The following DGKI variants were observed in gnomAD, a reference collection of about 807,000 sequenced individuals.
DGKI encodes diacylglycerol kinase iota.
In DGKI, 55 loss-of-function variants were observed where a neutral mutation model predicts 147.5. The ratio of observed to expected loss-of-function variants is 0.37; its 90% confidence interval spans 0.30 to 0.47. DGKI has a LOEUF of 0.47. DGKI is among the 20% of genes least tolerant of loss of function. The pLI, the probability that DGKI is intolerant of heterozygous loss-of-function variation, is 1.00. For synonymous variants in DGKI, 469 were observed against 477.1 expected (o/e 0.98, Z 0.22); for missense variants, 1,007 against 1,323.8 (o/e 0.76, Z 3.71).
chr7:137,567,042 A>G (rs1367214694), intron 19 of DGKI, among the ~76,000 whole-genome samples: 1 of 151,860 alleles, frequency 6.6e-6, no homozygotes, highest in African/African-American at 2.4e-5. Flanking sequence ...AGGCGGGTGG[A>G]TCACTTGAGG....
Position 137,465,939 on chromosome 7 carries a change from T to C in DGKI, c.2581A>G (p.Met861Val). 1 of 1,614,092 alleles carries C rather than the reference T, an allele frequency of 6.2e-7. No individual in the cohort carries two copies. The highest frequency in any genetic ancestry group is 8.5e-7 in the Non-Finnish European group (1 of 1,179,976). The change falls in exon 26 of 33, where the codon ATG (methionine) becomes GTG (valine). Residue 861 changes from methionine to valine, a missense_variant. By Grantham distance (21) the Met-to-Val change is conservative (BLOSUM62 1). Transcript: ENST00000614521. ...VSQPAGTPPG[M>V]PDLVVEQASG... Reference sequence around the variant, plus strand: ...GCTTGTTCCACCACCAGGTCAGGCATGCCCGGAGGTGTCCCCGCCGGCTGT... The same window carrying C: ...GCTTGTTCCACCACCAGGTCAGGCACGCCCGGAGGTGTCCCCGCCGGCTGT...
At chr7:137,425,730 G>A (rs1812773942) in intron 28 of DGKI, among the ~76,000 whole-genome samples, 1 of 152,206 alleles carries the variant, frequency 6.6e-6, no homozygotes, top group African/African-American at 2.4e-5. Context: ...GAAAGCCAAG[G>A]CTTGAGAACT....
At chr7:137,713,259 C>G (rs1291486900) in intron 1 of DGKI, among the ~76,000 whole-genome samples, 1 of 152,166 alleles carries the variant, frequency 6.6e-6, no homozygotes, top group South Asian at 2.1e-4. Context: ...AAATAGATAC[C>G]TGGCTCCAGC....
chr7:137,822,412 T>C (rs1797931974), intron 1 of DGKI, among the ~76,000 whole-genome samples: 1 of 151,860 alleles, frequency 6.6e-6, no homozygotes, highest in South Asian at 2.1e-4. Flanking sequence ...GTCTCCAAAA[T>C]AATAATAATT....
intron 17 of DGKI, among the ~76,000 whole-genome samples, chr7:137,573,278 T>C (rs1374549730): frequency 1.3e-5 from 2 of 152,246 alleles, no homozygotes; most frequent in East Asian, 3.8e-4. Context: ...AATATAATGA[T>C]TTATTTTCTT....
intron 1 of DGKI, among the ~76,000 whole-genome samples, chr7:137,781,564 G>C (rs796363410): frequency 3.3e-5 from 5 of 152,310 alleles, no homozygotes; most frequent in African/African-American, 1.2e-4. Context: ...GAATACTGAG[G>C]AGAAAGAGGG....
chr7:137,790,542 G>A (rs1002194587), intron 1 of DGKI, among the ~76,000 whole-genome samples: 9 of 152,146 alleles, frequency 5.9e-5, no homozygotes, highest in African/African-American at 1.9e-4. Context: ...GCCCAATGAC[G>A]CACTAATCAA....
rs773651779 is a variant in DGKI, at chr7:137,597,856, C to T, written c.1302G>A (p.Gly434=). ...TCTCTCAGGGACCTACCGTTCCATCCCCACCACAGGCCAGAATTCGCAGAT... is the reference window on the plus strand; with the variant it reads ...TCTCTCAGGGACCTACCGTTCCATCTCCACCACAGGCCAGAATTCGCAGAT... ...VPNLRILACG[G]DGTVGWILSI... The change falls in exon 12 of 33, where the codon GGG becomes GGA. Residue 434 remains glycine, a synonymous_variant. Transcript: ENST00000614521. 2.4e-5 allele frequency: 38 copies of T among 1,613,754 alleles called. No homozygotes were observed. The highest frequency in any genetic ancestry group is 2.9e-5 in the Non-Finnish European group (34 of 1,179,880).
At chr7:137,753,235 C>A (rs1397536684) in intron 1 of DGKI, among the ~76,000 whole-genome samples, 1 of 152,200 alleles carries the variant, frequency 6.6e-6, no homozygotes, top group South Asian at 2.1e-4. Flanking sequence ...ATAACAAAGG[C>A]TGCAAACTGA....
intron 15 of DGKI, among the ~76,000 whole-genome samples, chr7:137,579,462 A>AAAAG (rs1819109431): frequency 6.6e-6 from 1 of 151,822 alleles, no homozygotes; most frequent in African/African-American, 2.4e-5. Context: ...GAAAGAAAAA[A>AAAAG]AGGCTATTTG....
At chr7:137,631,004 C>A (rs1434546770) in intron 6 of DGKI, among the ~76,000 whole-genome samples, 1 of 151,874 alleles carries the variant, frequency 6.6e-6, no homozygotes, top group Non-Finnish European at 1.5e-5. Context: ...GAAAAAAAGA[C>A]TAGTTAAAAT....
In DGKI at chr7:137,387,036, T is replaced by A. The variant is rs1281600978; in HGVS notation, c.*4184A>T. 4 of 152,122 alleles carry A rather than the reference T, an allele frequency of 2.6e-5. No homozygotes were observed. Among genetic ancestry groups the A allele is most frequent in the Admixed American group, 2.0e-4 (3 of 15,264 alleles). 9.4% of individuals were successfully genotyped at this position (152,122 alleles called of 1,614,324 possible). A position where few individuals can be genotyped will look rare whatever the true frequency, so the allele number is the denominator to read the frequency against. On this transcript the variant is annotated 3_prime_UTR_variant, in exon 33 of 33. Transcript: ENST00000614521. ...AAATATGCTGTTCTCAGTGATTTCA[T>A]TAGCTACTCCTTCTGGAAGGAAGAC...
At chr7:137,784,294 T>C (rs1796602919) in intron 1 of DGKI, among the ~76,000 whole-genome samples, 1 of 152,118 alleles carries the variant, frequency 6.6e-6, no homozygotes, top group Non-Finnish European at 1.5e-5. Flanking sequence ...TCCATGCAAC[T>C]GGACACTAAA....
chr7:137,699,882 A>G (rs1308040753), intron 1 of DGKI, among the ~76,000 whole-genome samples: 1 of 152,220 alleles, frequency 6.6e-6, no homozygotes, highest in African/African-American at 2.4e-5. Context: ...AAGGCTGTCA[A>G]CTGAAGGCAA....
intron 10 of DGKI, among the ~76,000 whole-genome samples, chr7:137,602,546 G>A (rs891116790): frequency 7.9e-5 from 12 of 152,160 alleles, no homozygotes; most frequent in African/African-American, 2.9e-4. Flanking sequence ...TACCAAAAAT[G>A]TAAGTATCTA....
At chr7:137,537,233 T>G (rs1317789666) in intron 20 of DGKI, among the ~76,000 whole-genome samples, 1 of 152,144 alleles carries the variant, frequency 6.6e-6, no homozygotes, top group African/African-American at 2.4e-5. Context: ...AAGTTTAGCA[T>G]CTTCCTTTGC....
chr7:137,498,742 T>TACGTTGCA (rs1816061286), intron 21 of DGKI, among the ~76,000 whole-genome samples: 2 of 152,140 alleles, frequency 1.3e-5, no homozygotes, highest in African/African-American at 4.8e-5. Context: ...TCTGCCCCAA[T>TACGTTGCA]AAAGTTGAAT....
At chr7:137,729,812 G>A (rs1297265670) in intron 1 of DGKI, among the ~76,000 whole-genome samples, 1 of 151,876 alleles carries the variant, frequency 6.6e-6, no homozygotes, top group Non-Finnish European at 1.5e-5. Flanking sequence ...TTATCTCCTG[G>A]GCCTCTACTA....
intron 24 of DGKI, among the ~76,000 whole-genome samples, chr7:137,469,114 AC>A (rs760484418): frequency 6.6e-6 from 1 of 152,192 alleles, no homozygotes; most frequent in Non-Finnish European, 1.5e-5. Flanking sequence ...GAATTTTTCC[AC>A]CTTTTTCCAG....
Sources: allele counts gnomAD v4.1 joint callset (sites outside exome capture counted in the v4.1 genomes callset), GRCh38; gene constraint gnomAD v4.1.1; transcripts MANE v1.5; gene names NCBI Gene and HGNC (gene_info 2026-07-23, HGNC 2026-07-21).